TRAPPC3L: variants seen among roughly 807,000 people sequenced by gnomAD.
The protein encoded by TRAPPC3L is trafficking protein particle complex subunit 3L, also known as trafficking protein particle complex subunit 3-like protein.
A neutral mutation model predicts 23.7 loss-of-function variants in TRAPPC3L; 23 were observed. The ratio of observed to expected loss-of-function variants is 0.97; its 90% CI spans 0.70 to 1.37. The LOEUF (loss-of-function observed/expected upper bound fraction) is 1.37. Among genes scored for constraint, TRAPPC3L ranks in the 40% most tolerant of loss-of-function variants. TRAPPC3L has a pLI of 0.00. For synonymous variants in TRAPPC3L, 81 were observed against 77.9 expected, an observed-to-expected ratio of 1.04 and a Z score of -0.21; for missense variants, 212 against 216.8, an observed-to-expected ratio of 0.98 and a Z score of 0.14.
intron 3 of TRAPPC3L, among the ~76,000 whole-genome samples, chr6:116,508,934 C>T (rs1301708300): frequency 6.6e-6 from 1 of 151,476 alleles, no homozygotes; most frequent in Admixed American, 6.6e-5. Flanking sequence ...TCTAGAAAAA[C>T]CTAAAGACTC....
rs764400573 is a variant in TRAPPC3L, at chr6:116,525,922, A to C, written c.240+14441T>G. Among the ~76,000 whole-genome samples the C allele has an allele frequency of 5.3e-5, 8 of 152,328 alleles. No individual in the cohort carries two copies. The South Asian group carries it at 8.3e-4, about 16-fold the overall frequency. ...ATTGCTGATGGTTTCAACAGAACAC[A>C]ATTATTTCTCCCAGGGGTTTTGTTG... is the stretch of plus-strand genomic sequence containing the variant. On this transcript the variant is annotated intron_variant, in intron 3 of 4. Transcript: ENST00000368602.
Position 116,543,297 on chromosome 6 carries a change from A to C in TRAPPC3L, c.140+6T>G. The C allele has an allele frequency of 6.5e-7, 1 of 1,543,314 alleles. No individual in the cohort carries two copies. The highest frequency in any genetic ancestry group is 8.8e-7 in the Non-Finnish European group (1 of 1,141,696). ...CATTCAATAAGAATGAAGGACTTCC[A>C]CTTACATTTTATCTAAATATTGGTT... On this transcript the variant is annotated splice_donor_region_variant and intron_variant, in intron 2 of 4. Coordinates refer to ENST00000368602, the MANE Select transcript of TRAPPC3L (RefSeq NM_001139444.3).
At position 116,496,868 on chromosome 6, in the gene TRAPPC3L, T is replaced by G. The variant is rs1275799992; in HGVS notation, c.*86A>C. Reference sequence around the variant, plus strand: ...TATAAACCTTTCAAAGCTCATGCTATGAAGCAATTCAAAATTTCTATGTCT... The same window carrying G: ...TATAAACCTTTCAAAGCTCATGCTAGGAAGCAATTCAAAATTTCTATGTCT... On this transcript the variant is annotated 3_prime_UTR_variant, in exon 5 of 5. Transcript: ENST00000368602. 1.4e-6 allele frequency: 2 copies of G among 1,433,646 alleles called. No homozygotes were observed. The highest frequency in any genetic ancestry group is 5.6e-5 in the East Asian group (2 of 35,496). The allele number at this position is 1,433,646 out of a possible 1,614,324, so 88.8% of individuals were successfully genotyped here. A position where few individuals can be genotyped will look rare whatever the true frequency, so the allele number is the denominator to read the frequency against.
chr6:116,511,964 A>G (rs370953630), intron 3 of TRAPPC3L: 1 of 1,613,904 alleles, frequency 6.2e-7, no homozygotes, highest in Non-Finnish European at 8.5e-7. Flanking sequence ...AATCTTTCCC[A>G]GAGGCCACAG....
At chr6:116,500,831 A>G (rs1390890231) in intron 3 of TRAPPC3L, among the ~76,000 whole-genome samples, 165 bp from the exon 4 acceptor site, 1 of 152,210 alleles carries the variant, frequency 6.6e-6, no homozygotes, top group East Asian at 1.9e-4. Flanking sequence ...TATTGATCCT[A>G]TGATGTGAAA....
intron 3 of TRAPPC3L, among the ~76,000 whole-genome samples, chr6:116,538,843 CCT>C (rs914411792): frequency 2.6e-5 from 4 of 151,908 alleles, no homozygotes; most frequent in Admixed American, 6.6e-5. Context: ...GCCATCCACC[CCT>C]CTCAGCTTTC....
chr6:116,542,420 T>C (rs1773521546), intron 2 of TRAPPC3L, among the ~76,000 whole-genome samples: 2 of 152,176 alleles, frequency 1.3e-5, no homozygotes, highest in African/African-American at 4.8e-5. Flanking sequence ...TGTCTTTTTC[T>C]GTATTTCAAC....
At chr6:116,510,558 G>A in intron 3 of TRAPPC3L, among the ~76,000 whole-genome samples, 1 of 151,974 alleles carries the variant, frequency 6.6e-6, no homozygotes, top group East Asian at 1.9e-4. Context: ...AAAATGCTAG[G>A]ATTACAGACA....
intron 1 of TRAPPC3L, among the ~76,000 whole-genome samples, chr6:116,544,151 AAG>A (rs141606346): frequency 0.015 from 2,020 of 132,632 alleles, 39 homozygotes; most frequent in African/African-American, 0.034. Flanking sequence ...AAAGGTGAAG[AAG>A]AGAGAGAGAG....
Position 116,497,036 on chromosome 6 carries a change from CTG to C in TRAPPC3L, c.462_463del (p.Asp154GlufsTer5), listed in dbSNP as rs1332158767. On this transcript the variant is annotated frameshift_variant, in exon 5 of 5. Transcript: ENST00000368602. LOFTEE classifies it high-confidence loss of function. ...TTCTGTCACACTGTCACCTTTTAGT[CTG>C]TCTTGCAAGAATGTAACATCAGCCG... 1.6e-5 allele frequency: 24 copies of C among 1,547,362 alleles called. No homozygotes were observed. Among genetic ancestry groups the C allele is most frequent in the Non-Finnish European group, 2.0e-5 (23 of 1,145,622 alleles).
At chr6:116,544,267 A>G (rs982729184) in intron 1 of TRAPPC3L, among the ~76,000 whole-genome samples, 3 of 152,074 alleles carry the variant, frequency 2.0e-5, no homozygotes, top group Non-Finnish European at 2.9e-5. Flanking sequence ...CCTACATGCC[A>G]TGGCCCCAAC....
chr6:116,540,684 G>A (rs1476200147), intron 2 of TRAPPC3L, among the ~76,000 whole-genome samples: 1 of 152,036 alleles, frequency 6.6e-6, no homozygotes, highest in African/African-American at 2.4e-5. Context: ...TCTCCTGCAA[G>A]CAGAAGAGTC....
chr6:116,536,045 G>C (rs957686402), intron 3 of TRAPPC3L, among the ~76,000 whole-genome samples: 1 of 152,122 alleles, frequency 6.6e-6, no homozygotes, highest in East Asian at 1.9e-4. Context: ...TGCTATTAAA[G>C]TTTTTCAATA....
intron 4 of TRAPPC3L, among the ~76,000 whole-genome samples, chr6:116,497,575 T>C (rs1771850019): frequency 6.6e-6 from 1 of 152,174 alleles, no homozygotes; most frequent in South Asian, 2.1e-4. Flanking sequence ...TAATATCAAT[T>C]AAATGAATTA....
At chr6:116,501,721 C>G (rs1184997432) in intron 3 of TRAPPC3L, among the ~76,000 whole-genome samples, 1 of 152,154 alleles carries the variant, frequency 6.6e-6, no homozygotes, top group African/African-American at 2.4e-5. Flanking sequence ...CTGGTGATAC[C>G]CAGGCAAACA....
At chr6:116,529,297 C>CA (rs1772552283) in intron 3 of TRAPPC3L, 1 of 152,190 alleles carries the variant, frequency 6.6e-6, no homozygotes, top group Non-Finnish European at 1.5e-5. Flanking sequence ...GAGGCATGTA[C>CA]AATAACAGCT....
In TRAPPC3L at chr6:116,496,978, C is replaced by T; in HGVS notation, c.522G>A (p.Glu174=). ...TTCATTTTTTCCCTCTATATTTTTT[C>T]TCGTCTCGCTTTTTTAGAAATGTTA... The part of the protein sequence containing the change: ...IGITFLKKRD[E]KKYRGKK The change falls in exon 5 of 5, where the codon GAG becomes GAA. Residue 174 remains glutamate (E), a synonymous_variant. Transcript: ENST00000368602. 1 of 1,544,878 alleles carries T rather than the reference C, an allele frequency of 6.5e-7. No individual in the cohort carries two copies.
At chr6:116,510,877 C>G (rs1484015069) in intron 3 of TRAPPC3L, among the ~76,000 whole-genome samples, 3 of 151,710 alleles carry the variant, frequency 2.0e-5, no homozygotes, top group Non-Finnish European at 4.4e-5. Flanking sequence ...CTTGATGGAG[C>G]TAGAGGCGTT....
chr6:116,511,957 C>A (rs771571409), intron 3 of TRAPPC3L: 1 of 1,614,056 alleles, frequency 6.2e-7, no homozygotes, highest in Admixed American at 1.7e-5. Flanking sequence ...CCAGGAAAAT[C>A]TTTCCCAGAG....
Sources: allele counts gnomAD v4.1 joint callset (sites outside exome capture counted in the v4.1 genomes callset), GRCh38; gene constraint gnomAD v4.1.1; transcripts MANE v1.5; gene names NCBI Gene and HGNC (gene_info 2026-07-23, HGNC 2026-07-21).